ZNF544: variants seen among roughly 807,000 people sequenced by gnomAD.
The protein encoded by ZNF544 is zinc finger protein 544.
A neutral mutation model predicts 13.5 loss-of-function variants in ZNF544; 10 were observed. That is an observed-to-expected ratio of 0.74 (90% CI 0.46 to 1.25). ZNF544 has a LOEUF of 1.25. Ranked by LOEUF, ZNF544 falls within the 50% of genes most tolerant of loss-of-function variation. The probability of loss-of-function intolerance (pLI) is 0.00; values close to 1 mark genes in which losing one functional copy is unlikely to be tolerated. For missense variants in ZNF544, 896 were observed against 845.6 expected (o/e 1.06, Z -0.74); for synonymous variants, 323 against 300.5 (o/e 1.07, Z -0.77).
At chr19:58,273,490 A>G (rs1024985594) in intron 5 of ZNF544, among the ~76,000 whole-genome samples, 1 of 151,874 alleles carries the variant, frequency 6.6e-6, no homozygotes, top group Non-Finnish European at 1.5e-5. Context: ...GGAGATAGAG[A>G]CCCGCCTGGC....
At position 58,250,086 on chromosome 19, in the gene ZNF544, A is replaced by G. The variant is rs564728216; in HGVS notation, c.244+3292A>G. ...AAACAAGTGTAAAGGTTCTAGTCCAATTGGCTGGTAAACATAAGTAAGAAC... is the reference window on the plus strand; with the variant it reads ...AAACAAGTGTAAAGGTTCTAGTCCAGTTGGCTGGTAAACATAAGTAAGAAC... On this transcript the variant is annotated intron_variant, in intron 6 of 6. Coordinates refer to ENST00000687789, the MANE Select transcript of ZNF544 (RefSeq NM_014480.4). Among the ~76,000 whole-genome samples, 13 of 152,344 alleles carry G rather than the reference A, an allele frequency of 8.5e-5. No individual in the cohort carries two copies. The South Asian group carries it at 1.0e-3, about 12-fold the overall frequency.
intron 3 of ZNF544, among the ~76,000 whole-genome samples, chr19:58,232,047 G>A (rs1036106395): frequency 6.6e-6 from 1 of 150,964 alleles, no homozygotes; most frequent in South Asian, 2.1e-4. Flanking sequence ...TCTCCATGTT[G>A]TCCAGGCTGG....
intron 5 of ZNF544, among the ~76,000 whole-genome samples, chr19:58,273,135 C>G (rs1025857360): frequency 6.6e-6 from 1 of 150,660 alleles, no homozygotes; most frequent in African/African-American, 2.4e-5. Context: ...AAGCCAAGAT[C>G]GCACCATTGT....
At chr19:58,269,172 C>T (rs948367117) in intron 5 of ZNF544, among the ~76,000 whole-genome samples, 64 of 152,312 alleles carry the variant, frequency 4.2e-4, no homozygotes, top group Admixed American at 3.5e-3. Flanking sequence ...TGGTGGCTCA[C>T]GCCTGTAATC....
chr19:58,268,831 G>A (rs117783409), downstream of ZNF544, among the ~76,000 whole-genome samples: 268 of 152,314 alleles, frequency 1.8e-3, no homozygotes, highest in Non-Finnish European at 3.5e-3. Flanking sequence ...GACATAGAAC[G>A]TACTACGTGC....
downstream of ZNF544, among the ~76,000 whole-genome samples, chr19:58,268,487 T>G (rs1237212260): frequency 1.3e-5 from 2 of 152,198 alleles, no homozygotes; most frequent in Non-Finnish European, 2.9e-5. Context: ...TTTAATTCTC[T>G]CAGCAAGGCC....
chr19:58,233,133 G>A (rs1001935975), intron 3 of ZNF544, among the ~76,000 whole-genome samples: 1 of 152,056 alleles, frequency 6.6e-6, no homozygotes, highest in African/African-American at 2.4e-5. Flanking sequence ...GCTCCTCTTT[G>A]TAAAAGCGTC....
intron 3 of ZNF544, among the ~76,000 whole-genome samples, chr19:58,237,315 C>T (rs1235821671): frequency 6.6e-6 from 1 of 152,196 alleles, no homozygotes; most frequent in African/African-American, 2.4e-5. Context: ...CCGCCTGCCT[C>T]TGCTGCCCAG....
chr19:58,244,683 C>T (rs2044692738), intron 4 of ZNF544, among the ~76,000 whole-genome samples: 1 of 149,332 alleles, frequency 6.7e-6, no homozygotes, highest in South Asian at 2.1e-4. Flanking sequence ...TCAAGCGATC[C>T]TCCCACCTCA....
chr19:58,250,614 T>C (rs932174093), intron 6 of ZNF544, among the ~76,000 whole-genome samples: 7 of 152,226 alleles, frequency 4.6e-5, no homozygotes, highest in African/African-American at 1.7e-4. Flanking sequence ...TCCCAGGGCC[T>C]GACCAAAATT....
At chr19:58,235,253 G>C (rs2042139648) in intron 3 of ZNF544, among the ~76,000 whole-genome samples, 1 of 152,190 alleles carries the variant, frequency 6.6e-6, no homozygotes, top group African/African-American at 2.4e-5. Context: ...ACACAATGGT[G>C]AGAATTTGTA....
In ZNF544 at chr19:58,260,952, G is replaced by T. The variant is rs1198042142; in HGVS notation, c.346G>T (p.Glu116Ter). The change falls in exon 7 of 7, where the codon GAG (glutamate) becomes TAG (stop). Residue 116 changes from glutamate (E) to a stop codon, truncating the protein, a stop_gained. Coordinates refer to ENST00000687789, the MANE Select transcript of ZNF544 (RefSeq NM_014480.4). LOFTEE classifies it low-confidence loss of function (END_TRUNC). ...HVEVYRSGPE[E>*]PPSLVLGKVQ... ...GGAAGTGTACAGGAGTGGACCGGAG[G>T]AGCCACCCTCTTTGGTATTAGGAAA... 1.2e-6 allele frequency: 2 copies of T among 1,614,064 alleles called. No homozygotes were observed. The highest frequency in any genetic ancestry group is 1.7e-6 in the Non-Finnish European group (2 of 1,180,046).
At chr19:58,230,766 T>C (rs1310060987) in intron 3 of ZNF544, among the ~76,000 whole-genome samples, 1 of 152,080 alleles carries the variant, frequency 6.6e-6, no homozygotes, top group Admixed American at 6.6e-5. Context: ...AGGCCTCACC[T>C]GAGAGGAGAA....
At chr19:58,266,235 AG>A (rs1414883381), downstream of ZNF544, among the ~76,000 whole-genome samples, 4 of 147,192 alleles carry the variant, frequency 2.7e-5, no homozygotes, top group African/African-American at 7.5e-5. Context: ...AAAAAAAAAA[AG>A]GGCTGTGTGC....
intron 5 of ZNF544, among the ~76,000 whole-genome samples, chr19:58,271,215 GAA>G (rs78260094): frequency 2.9e-4 from 34 of 116,836 alleles, no homozygotes; most frequent in Admixed American, 4.5e-4. Context: ...CCGTCTCCAG[GAA>G]AAAAAAAAAA....
intron 6 of ZNF544, among the ~76,000 whole-genome samples, chr19:58,249,199 T>G (rs550806215): frequency 1.3e-5 from 2 of 152,360 alleles, no homozygotes; most frequent in South Asian, 4.1e-4. Context: ...CTCCATACCC[T>G]GTTCTCATAC....
chr19:58,242,569 A>G (rs1426082387), intron 3 of ZNF544, among the ~76,000 whole-genome samples: 1 of 151,112 alleles, frequency 6.6e-6, no homozygotes, highest in African/African-American at 2.4e-5. Flanking sequence ...GCTGGAGTCC[A>G]GTGGTGTGAT....
At chr19:58,233,331 T>G in intron 3 of ZNF544, among the ~76,000 whole-genome samples, 1 of 152,102 alleles carries the variant, frequency 6.6e-6, no homozygotes, top group East Asian at 1.9e-4. Context: ...CAGGCATGAT[T>G]ACAGGATTAA....
At chr19:58,275,801 A>AAAAAAAC in intron 5 of ZNF544, among the ~76,000 whole-genome samples, 1 of 131,686 alleles carries the variant, frequency 7.6e-6, no homozygotes. Flanking sequence ...AAAAAAAAAA[A>AAAAAAAC]AGGAAAGAGG....
Sources: gnomAD v4.1 joint callset for allele counts (sites outside exome capture counted in the v4.1 genomes callset) on GRCh38, gnomAD v4.1.1 for gene constraint, MANE v1.5 for transcripts, NCBI Gene and HGNC (gene_info 2026-07-23, HGNC 2026-07-21) for gene names.